NEGR1: variants seen among roughly 807,000 people sequenced by gnomAD.
NEGR1 encodes neuronal growth regulator 1.
Under a neutral mutation model 40.9 loss-of-function variants are expected in NEGR1, and 10 were observed. The observed-to-expected ratio is 0.24, with a 90% CI of 0.15 to 0.42. NEGR1 has a LOEUF of 0.42. Ranked by LOEUF, NEGR1 falls within the 10% of genes least tolerant of loss-of-function variation. NEGR1 has a pLI of 1.00. For missense variants in NEGR1, 352 were observed against 438.9 expected (o/e 0.80, Z 1.77); for synonymous variants, 185 against 166.8 (o/e 1.11, Z -0.84).
At chr1:72,116,073 T>C (rs932931613) in intron 1 of NEGR1, among the ~76,000 whole-genome samples, 2 of 151,760 alleles carry the variant, frequency 1.3e-5, no homozygotes, top group African/African-American at 4.8e-5. Flanking sequence ...GAGATCACCC[T>C]AGACAGCATT....
chr1:72,206,578 AT>A (rs5775110), intron 1 of NEGR1, among the ~76,000 whole-genome samples: 72,887 of 151,674 alleles, frequency 0.48, 18,224 homozygotes, highest in African/African-American at 0.59. Flanking sequence ...CTATAAGGTG[AT>A]TTTTTTCAGA....
At position 71,711,186 on chromosome 1, in the gene NEGR1, A is replaced by T. The variant is rs1236821855; in HGVS notation, c.536-13047T>A. ...CCCTGTCTCTACTAAAAAAAAAAAAATACAAAAAATTAGCCAGGTGCGGTG... is the reference window on the plus strand; with the variant it reads ...CCCTGTCTCTACTAAAAAAAAAAAATTACAAAAAATTAGCCAGGTGCGGTG... On this transcript the variant is annotated intron_variant, in intron 3 of 6. Coordinates refer to ENST00000357731, the MANE Select transcript of NEGR1 (RefSeq NM_173808.3). 2.6e-5 allele frequency among the ~76,000 whole-genome samples: 4 copies of T among 151,266 alleles called. No individual in the cohort carries two copies. The East Asian group carries it at 7.8e-4, about 29-fold the overall frequency.
intron 6 of NEGR1, among the ~76,000 whole-genome samples, chr1:71,499,400 C>T (rs1646984932): frequency 6.7e-6 from 1 of 149,298 alleles, no homozygotes; most frequent in Non-Finnish European, 1.5e-5. Context: ...TTCCTCTTTT[C>T]CTTGCACATA....
At chr1:71,928,297 T>TGTATATATACACACATATGTATATAC (rs1557438802) in intron 2 of NEGR1, among the ~76,000 whole-genome samples, 14 of 87,566 alleles carry the variant, frequency 1.6e-4, no homozygotes, top group East Asian at 1.5e-3. Context: ...TATGTATATA[T>TGTATATATACACACATATGTATATAC]GTATATATAC....
At chr1:71,844,397 A>C (rs1659336136) in intron 2 of NEGR1, among the ~76,000 whole-genome samples, 1 of 152,186 alleles carries the variant, frequency 6.6e-6, no homozygotes, top group Non-Finnish European at 1.5e-5. Context: ...ATAATACTGA[A>C]TCAAAATCAG....
intron 2 of NEGR1, chr1:71,794,295 T>C (rs1570355443): frequency 6.6e-6 from 1 of 152,018 alleles, no homozygotes; most frequent in Non-Finnish European, 1.5e-5. Flanking sequence ...TATTGAAGAG[T>C]AAAGGACCAA....
chr1:71,732,371 A>G (rs1358333050), intron 3 of NEGR1, among the ~76,000 whole-genome samples: 1 of 152,192 alleles, frequency 6.6e-6, no homozygotes, highest in Non-Finnish European at 1.5e-5. Flanking sequence ...TCACAAGTAT[A>G]TAAGAAATTG....
chr1:71,898,072 A>G (rs997886588), intron 2 of NEGR1, among the ~76,000 whole-genome samples: 5 of 152,206 alleles, frequency 3.3e-5, no homozygotes, highest in Non-Finnish European at 5.9e-5. Flanking sequence ...GCTAATAATG[A>G]AAGAATACTC....
chr1:72,000,425 T>TAA (rs774237975), intron 1 of NEGR1, among the ~76,000 whole-genome samples: 1 of 150,788 alleles, frequency 6.6e-6, no homozygotes, highest in East Asian at 1.9e-4. Flanking sequence ...AGGCAAAATA[T>TAA]AAAAAAAAAT....
At chr1:72,216,167 T>C (rs182363817) in intron 1 of NEGR1, among the ~76,000 whole-genome samples, 26 of 151,652 alleles carry the variant, frequency 1.7e-4, no homozygotes, top group African/African-American at 6.3e-4. Context: ...ACGAGAATGC[T>C]TGGACACAGG....
intron 6 of NEGR1, among the ~76,000 whole-genome samples, chr1:71,412,906 A>G (rs1646332670): frequency 6.6e-6 from 1 of 152,200 alleles, no homozygotes; most frequent in African/African-American, 2.4e-5. Flanking sequence ...TAGAGTATGT[A>G]AGGGAGACTG....
intron 2 of NEGR1, among the ~76,000 whole-genome samples, chr1:71,921,920 T>C (rs1416444048): frequency 6.6e-6 from 1 of 151,940 alleles, no homozygotes; most frequent in Non-Finnish European, 1.5e-5. Context: ...AACCCTCATG[T>C]TGTTCAAGCG....
chr1:71,731,509 C>A (rs1420057281), intron 3 of NEGR1, among the ~76,000 whole-genome samples: 1 of 152,194 alleles, frequency 6.6e-6, no homozygotes, highest in Non-Finnish European at 1.5e-5. Context: ...CTTAACAGAA[C>A]TATTGCTAAT....
chr1:72,198,318 A>T (rs1557574372), intron 1 of NEGR1, among the ~76,000 whole-genome samples: 1 of 152,018 alleles, frequency 6.6e-6, no homozygotes, highest in African/African-American at 2.4e-5. Context: ...TCTCTTTCCT[A>T]TTCCTAGTAG....
rs530805711 is a variant in NEGR1 at position 71,766,777 on chromosome 1, G to A, written c.535+9395C>T. Among the ~76,000 whole-genome samples the A allele has an allele frequency of 1.2e-4, 18 of 152,254 alleles. No homozygotes were observed. In the South Asian group the frequency reaches 2.7e-3, roughly 23 times the overall value. The stretch of plus-strand genomic sequence containing the variant: ...AGCGGGAGGTAACTGGATCATGGGG[G>A]GAGTTTTCATAAACAGCTGAGCACT... On this transcript the variant is annotated intron_variant, in intron 3 of 6. Transcript: ENST00000357731.
Position 71,630,527 on chromosome 1 carries a change from G to A in NEGR1, c.668-19381C>T, listed in dbSNP as rs190661377. Among the ~76,000 whole-genome samples the A allele has an allele frequency of 2.9e-3, 436 of 152,006 alleles. 3 individuals carry two copies. Among genetic ancestry groups the A allele is most frequent in the Middle Eastern group, 6.8e-3 (2 of 294 alleles). On this transcript the variant is annotated intron_variant, in intron 4 of 6. Transcript: ENST00000357731. The stretch of plus-strand genomic sequence containing the variant: ...ATCATCTGAAAGCTCTCTCCAATGT[G>A]TTCTGCTGTGTGCCCCATAAAATAA...
At chr1:71,458,071 C>T (rs1646687058) in intron 6 of NEGR1, among the ~76,000 whole-genome samples, 1 of 152,122 alleles carries the variant, frequency 6.6e-6, no homozygotes, top group Admixed American at 6.5e-5. Flanking sequence ...CACAGATATA[C>T]AAGTCTTTTA....
intron 5 of NEGR1, among the ~76,000 whole-genome samples, chr1:71,608,028 C>T (rs1334990): frequency 0.026 from 3,938 of 152,200 alleles, 169 homozygotes; most frequent in African/African-American, 0.09. Flanking sequence ...ATGGCCTGGG[C>T]GTTTATGGTG....
intron 6 of NEGR1, among the ~76,000 whole-genome samples, chr1:71,432,828 GATAT>G (rs1190337613): frequency 2.0e-5 from 3 of 152,200 alleles, no homozygotes; most frequent in African/African-American, 7.2e-5. Context: ...TTCTTGAGCA[GATAT>G]ATAAGCTCCT....
Sources: gnomAD v4.1 joint callset for allele counts (sites outside exome capture counted in the v4.1 genomes callset) on GRCh38, gnomAD v4.1.1 for gene constraint, MANE v1.5 for transcripts, NCBI Gene and HGNC (gene_info 2026-07-23, HGNC 2026-07-21) for gene names.